Variants in EPS8 observed in about 807,000 individuals in gnomAD.
The protein encoded by EPS8 is epidermal growth factor receptor kinase substrate 8.
A neutral mutation model predicts 103.8 loss-of-function variants in EPS8; 42 were observed. That is an observed-to-expected ratio of 0.40 (90% CI 0.32 to 0.52). The LOEUF (loss-of-function observed/expected upper bound fraction) is 0.52. Among genes scored for constraint, EPS8 ranks in the 20% least tolerant of loss-of-function variants. The pLI is 0.40. For synonymous variants in EPS8, 344 were observed against 344.6 expected, an observed-to-expected ratio of 1.00 and a Z score of 0.02; for missense variants, 969 against 1,005.1, an observed-to-expected ratio of 0.96 and a Z score of 0.49.
chr12:15,760,419 C>T lies in EPS8; in HGVS notation c.-22+28742G>A, dbSNP rs151267868. Among the ~76,000 whole-genome samples, 112 of 152,030 alleles carry T rather than the reference C, an allele frequency of 7.4e-4. 1 individual carries two copies. In the Middle Eastern group the frequency reaches 0.01, roughly 14 times the overall value. On this transcript the variant is annotated intron_variant, in intron 1 of 20. Coordinates refer to ENST00000281172, the MANE Select transcript of EPS8 (RefSeq NM_004447.6). The surrounding 1 kb of genome is among the most constrained non-coding windows in gnomAD (Gnocchi z 4.5). ...AATCCTACTCAAACTATTCTGAAAA[C>T]ATAGAGGAGAGGGTAATACTTCCAA...
At chr12:15,633,722 C>T (rs1945088866) in intron 17 of EPS8, among the ~76,000 whole-genome samples, 1 of 152,168 alleles carries the variant, frequency 6.6e-6, no homozygotes, top group African/African-American at 2.4e-5. Flanking sequence ...ATATTTTCCT[C>T]TTTCCTTAGT....
rs143323391 is a variant in EPS8, at chr12:15,747,551, G to A, written c.-22+41610C>T. Reference sequence around the variant, plus strand: ...ACCATCTACAACACTGCATTAGTAAGAAAGTGGCAAATGATCAAAAAAGTA... The same window carrying A: ...ACCATCTACAACACTGCATTAGTAAAAAAGTGGCAAATGATCAAAAAAGTA... On this transcript the variant is annotated intron_variant, in intron 1 of 20. Coordinates refer to ENST00000281172, the MANE Select transcript of EPS8 (RefSeq NM_004447.6). This position sits in a 1 kb window ranked among gnomAD's most constrained non-coding sequence, Gnocchi z 4.4. Among the ~76,000 whole-genome samples the A allele has an allele frequency of 7.2e-4, 110 of 152,270 alleles. No individual in the cohort carries two copies. Among genetic ancestry groups the A allele is most frequent in the African/African-American group, 2.5e-3 (105 of 41,550 alleles).
At position 15,735,096 on chromosome 12, in the gene EPS8, A is replaced by C. The variant is rs939121514; in HGVS notation, c.-21-52124T>G. ...GGATAACTGTAGTATTCCCAGGTAC[A>C]TGCAAATGACAAAGTTTCCAAAGAA... is the stretch of plus-strand genomic sequence containing the variant. On this transcript the variant is annotated intron_variant, in intron 1 of 20. Transcript: ENST00000281172. This position sits in a 1 kb window ranked among gnomAD's most constrained non-coding sequence, Gnocchi z 4.4. 6.6e-6 allele frequency among the ~76,000 whole-genome samples: 1 copy of C among 152,216 alleles called. No individual in the cohort carries two copies. The highest frequency in any genetic ancestry group is 1.5e-5 in the Non-Finnish European group (1 of 68,044).
At chr12:15,670,996 T>C in intron 3 of EPS8, 73 bp from the exon 4 acceptor site, 1 of 1,108,766 alleles carries the variant, frequency 9.0e-7, no homozygotes, top group East Asian at 2.4e-5. Context: ...ATCATGTGGC[T>C]ATCTCTAAAA....
chr12:15,643,311 G>A (rs1270209969), intron 15 of EPS8, among the ~76,000 whole-genome samples: 2 of 152,172 alleles, frequency 1.3e-5, no homozygotes, highest in African/African-American at 2.4e-5. Flanking sequence ...GGTCTCAGAA[G>A]TGTTTACCTG....
chr12:15,659,612 G>A (rs2135812392), intron 10 of EPS8, among the ~76,000 whole-genome samples: 1 of 152,232 alleles, frequency 6.6e-6, no homozygotes, highest in South Asian at 2.1e-4. Flanking sequence ...GTATTCACAT[G>A]CAGAAGATAA....
intron 8 of EPS8, chr12:15,665,425 G>A (rs186774141): frequency 1.2e-4 from 28 of 235,818 alleles, no homozygotes; most frequent in African/African-American, 5.9e-4. Flanking sequence ...TCCGCCTCCC[G>A]GTTCAAGTGA....
intron 12 of EPS8, chr12:15,654,503 C>T: frequency 1.8e-6 from 1 of 571,170 alleles, no homozygotes; most frequent in Non-Finnish European, 3.1e-6. Context: ...TGAAAGTTAA[C>T]AATTTAACAA....
chr12:15,693,278 G>A lies in EPS8; in HGVS notation c.-21-10306C>T, dbSNP rs190622216. Among the ~76,000 whole-genome samples, 1 of 152,204 alleles carries A rather than the reference G, an allele frequency of 6.6e-6. No individual in the cohort carries two copies. The highest frequency in any genetic ancestry group is 2.4e-5 in the African/African-American group (1 of 41,454). ...CTTTGGCAATAAGTGGAAGAAGTCA[G>A]CCAGGGTTGTCTTACTGTTTACTAA... On this transcript the variant is annotated intron_variant, in intron 1 of 20. Transcript: ENST00000281172. This position sits in a 1 kb window ranked among gnomAD's most constrained non-coding sequence, Gnocchi z 5.6.
intron 1 of EPS8, among the ~76,000 whole-genome samples, chr12:15,743,415 T>G (rs547205155): frequency 2.8e-4 from 43 of 152,312 alleles, no homozygotes; most frequent in Non-Finnish European, 4.6e-4. Context: ...AAAACTACTT[T>G]AAAGTTCATA....
intron 1 of EPS8, among the ~76,000 whole-genome samples, chr12:15,710,645 A>G (rs1946449990): frequency 6.6e-6 from 1 of 152,204 alleles, no homozygotes; most frequent in African/African-American, 2.4e-5. Flanking sequence ...CCGACGTATA[A>G]TTTCTTCATG....
intron 15 of EPS8, among the ~76,000 whole-genome samples, chr12:15,645,879 T>G (rs1945311460): frequency 6.6e-6 from 1 of 152,188 alleles, no homozygotes; most frequent in South Asian, 2.1e-4. Context: ...TGTACTCAAG[T>G]GGTTTTCTAG....
intron 15 of EPS8, 61 bp downstream of exon 15, chr12:15,647,066 G>A (rs1410171918): frequency 2.0e-6 from 3 of 1,508,972 alleles, no homozygotes; most frequent in African/African-American, 2.8e-5. Flanking sequence ...TGTCACCTCT[G>A]TTAGCACTAG....
chr12:15,743,171 A>C (rs1481656129), intron 1 of EPS8, among the ~76,000 whole-genome samples: 1 of 152,206 alleles, frequency 6.6e-6, no homozygotes, highest in Non-Finnish European at 1.5e-5. Context: ...AATTGCTTCA[A>C]AGAGAATAAA....
chr12:15,756,828 A>G (rs1456179340), intron 1 of EPS8, among the ~76,000 whole-genome samples: 1 of 152,220 alleles, frequency 6.6e-6, no homozygotes, highest in Non-Finnish European at 1.5e-5. Context: ...TACAGGACTA[A>G]CAGAACGTCT....
At chr12:15,651,709 A>G (rs1405749680) in intron 13 of EPS8, among the ~76,000 whole-genome samples, 2 of 152,214 alleles carry the variant, frequency 1.3e-5, no homozygotes, top group Non-Finnish European at 2.9e-5. Flanking sequence ...TTTTGCTAGA[A>G]TATGTTGCTT....
Position 15,734,117 on chromosome 12 carries a change from A to G in EPS8, c.-21-51145T>C, listed in dbSNP as rs1946744178. Among the ~76,000 whole-genome samples, 1 of 152,202 alleles carries G rather than the reference A, an allele frequency of 6.6e-6. No homozygotes were observed. The stretch of plus-strand genomic sequence containing the variant: ...AGCCTCCCCAAAGTTCTGGGATTAC[A>G]GGACTGAGTCATCATGCCTGGCCAG... On this transcript the variant is annotated intron_variant, in intron 1 of 20. Coordinates refer to ENST00000281172, the MANE Select transcript of EPS8 (RefSeq NM_004447.6). The surrounding 1 kb of genome is among the most constrained non-coding windows in gnomAD (Gnocchi z 4.1).
intron 1 of EPS8, among the ~76,000 whole-genome samples, chr12:15,741,587 C>T (rs1356208817): frequency 1.3e-5 from 2 of 152,140 alleles, no homozygotes; most frequent in Non-Finnish European, 2.9e-5. Flanking sequence ...AAAAATACTA[C>T]CAAGAGGAGA....
intron 18 of EPS8, among the ~76,000 whole-genome samples, chr12:15,627,393 C>T (rs904593117): frequency 6.6e-6 from 1 of 151,944 alleles, no homozygotes; most frequent in Admixed American, 6.6e-5. Flanking sequence ...GCATCTATAT[C>T]CTAATACGTG....
Sources: gnomAD v4.1 joint callset for allele counts (sites outside exome capture counted in the v4.1 genomes callset) on GRCh38, gnomAD v4.1.1 for gene constraint, Gnocchi (gnomAD v3.1) non-coding constraint, MANE v1.5 for transcripts, NCBI Gene and HGNC (gene_info 2026-07-23, HGNC 2026-07-21) for gene names.